Variants in ADGRG2 observed in about 807,000 individuals in gnomAD.
ADGRG2 encodes the protein G protein-coupled receptor 64.
A neutral mutation model predicts 74.1 loss-of-function variants in ADGRG2; 26 were observed. That is an observed-to-expected ratio of 0.35 (90% CI 0.26 to 0.49). The LOEUF (loss-of-function observed/expected upper bound fraction) is 0.49. Among genes scored for constraint, ADGRG2 ranks in the 20% least tolerant of loss-of-function variants. ADGRG2 has a pLI of 0.99. For missense variants in ADGRG2, 619 were observed against 763.1 expected (o/e 0.81, Z 2.22); for synonymous variants, 296 against 295.2 (o/e 1.00, Z -0.03).
chrX:19,063,722 A>C (rs1209258632), intron 3 of ADGRG2, among the ~76,000 whole-genome samples: 1 of 111,766 alleles, frequency 8.9e-6, no homozygotes, highest in Non-Finnish European at 1.9e-5. Context: ...AGTGTGACAC[A>C]AAGTGATATC....
intron 1 of ADGRG2, 140 bp from the exon 2 acceptor site, chrX:19,082,886 C>A (rs1278964273): frequency 8.9e-6 from 1 of 112,691 alleles, no homozygotes; most frequent in Non-Finnish European, 1.9e-5. Context: ...ACAGCTTGAA[C>A]TTGGCAGTGG....
At chrX:19,023,100 T>G (rs1304168271) in intron 13 of ADGRG2, among the ~76,000 whole-genome samples, 1 of 111,340 alleles carries the variant, frequency 9.0e-6, no homozygotes, top group East Asian at 2.8e-4. Context: ...TCACCCTGCC[T>G]GGACCACTGG....
intron 3 of ADGRG2, among the ~76,000 whole-genome samples, chrX:19,063,187 C>A (rs2061514019): frequency 9.0e-6 from 1 of 111,351 alleles, no homozygotes; most frequent in Non-Finnish European, 1.9e-5. Context: ...TGTCATCCCA[C>A]CTCTCCCTGC....
chrX:19,093,939 C>CA (rs1569141001), intron 1 of ADGRG2, among the ~76,000 whole-genome samples: 1 of 103,564 alleles, frequency 9.7e-6, no homozygotes, highest in African/African-American at 3.8e-5. Flanking sequence ...ACACACACAC[C>CA]CCATGGAATA....
At chrX:18,995,174 C>T (rs2059994988) in intron 27 of ADGRG2, 126 bp from the exon 28 acceptor site, 1 of 444,833 alleles carries the variant, frequency 2.2e-6, no homozygotes, top group Admixed American at 4.0e-5. Flanking sequence ...GGAGAAGTCA[C>T]CTTCCACCAG....
intron 1 of ADGRG2, among the ~76,000 whole-genome samples, chrX:19,091,950 AT>A (rs749941817): frequency 1.8e-5 from 2 of 112,568 alleles, no homozygotes; most frequent in East Asian, 5.6e-4. Flanking sequence ...GGGAGGAAGA[AT>A]TGACGCGACT....
rs1419572701 is a variant in ADGRG2, at chrX:18,990,664, A to G, written c.*200T>C. ...TTATAAAATGAAAGATAAGAAACCAAATCAGAAATGTCTAAAAACCATGGT... is the reference window on the plus strand; with the variant it reads ...TTATAAAATGAAAGATAAGAAACCAGATCAGAAATGTCTAAAAACCATGGT... On this transcript the variant is annotated 3_prime_UTR_variant, in exon 29 of 29. Coordinates refer to ENST00000379869, the MANE Select transcript of ADGRG2 (RefSeq NM_001079858.3). 1 of 306,608 alleles carries G rather than the reference A, an allele frequency of 3.3e-6. No homozygotes were observed. 25.3% of individuals were successfully genotyped at this position (306,608 alleles called of 1,213,427 possible). A position where few individuals can be genotyped will look rare whatever the true frequency, so the allele number is the denominator to read the frequency against.
At chrX:19,032,175 G>A (rs2060838863) in intron 8 of ADGRG2, 1 of 111,663 alleles carries the variant, frequency 9.0e-6, no homozygotes, top group African/African-American at 3.3e-5. Context: ...TTGATGTACA[G>A]GCATCATGCT....
chrX:19,121,966 G>C (rs1236419942), intron 1 of ADGRG2, among the ~76,000 whole-genome samples: 1 of 111,722 alleles, frequency 9.0e-6, no homozygotes, highest in Non-Finnish European at 1.9e-5. Context: ...TCGGGGCCGC[G>C]CCGAGTGGTG....
At chrX:19,073,055 T>G (rs1408398665) in intron 2 of ADGRG2, among the ~76,000 whole-genome samples, 1 of 112,289 alleles carries the variant, frequency 8.9e-6, no homozygotes, top group Non-Finnish European at 1.9e-5. Flanking sequence ...GGAGGATCCT[T>G]CATGAATAGC....
intron 3 of ADGRG2, among the ~76,000 whole-genome samples, chrX:19,051,864 C>T (rs1317561272): frequency 8.9e-6 from 1 of 111,889 alleles, no homozygotes; most frequent in Non-Finnish European, 1.9e-5. Context: ...CAGTTGATTC[C>T]ATGTGAACTA....
At chrX:19,074,822 C>T (rs918421067) in intron 2 of ADGRG2, among the ~76,000 whole-genome samples, 1 of 109,451 alleles carries the variant, frequency 9.1e-6, no homozygotes, top group African/African-American at 3.3e-5. Context: ...CCACCCGGCT[C>T]GGCCTCCCAA....
chrX:19,017,048 G>A (rs1290331317), intron 15 of ADGRG2, among the ~76,000 whole-genome samples: 2 of 111,230 alleles, frequency 1.8e-5, no homozygotes, highest in African/African-American at 3.3e-5. Context: ...TTTTTAAAAC[G>A]CTCCAGAGGA....
chrX:19,064,179 A>G (rs1443263580), intron 3 of ADGRG2, among the ~76,000 whole-genome samples: 1 of 111,986 alleles, frequency 8.9e-6, no homozygotes, highest in Non-Finnish European at 1.9e-5. Flanking sequence ...AAGCATCCAC[A>G]GGAACTGTCT....
chrX:19,049,674 G>A (rs746807802), intron 3 of ADGRG2, among the ~76,000 whole-genome samples: 150 of 108,253 alleles, frequency 1.4e-3, no homozygotes, highest in African/African-American at 4.6e-3. Flanking sequence ...TGTATTTTAC[G>A]TGTGGCCCAA....
chrX:19,065,225 G>A lies in ADGRG2; in HGVS notation c.118+3492C>T, dbSNP rs150593006. On this transcript the variant is annotated intron_variant, in intron 3 of 28. Coordinates refer to ENST00000379869, the MANE Select transcript of ADGRG2 (RefSeq NM_001079858.3). ...GTTGAGACTGCAGTGAGCTGAGATCGCGCACTCAAGTCTGGGCGACAACAA... is the reference window on the plus strand; with the variant it reads ...GTTGAGACTGCAGTGAGCTGAGATCACGCACTCAAGTCTGGGCGACAACAA... Among the ~76,000 whole-genome samples the A allele has an allele frequency of 4.6e-3, 409 of 89,092 alleles. 9 individuals carry two copies. Among genetic ancestry groups the A allele is most frequent in the East Asian group, 0.039 (112 of 2,884 alleles). The allele number at this position is 89,092 out of a possible 115,157, so 77.4% of individuals were successfully genotyped here. A position where few individuals can be genotyped will look rare whatever the true frequency, so the allele number is the denominator to read the frequency against.
At chrX:19,118,989 C>T (rs2062570605) in intron 1 of ADGRG2, among the ~76,000 whole-genome samples, 1 of 111,750 alleles carries the variant, frequency 8.9e-6, no homozygotes, top group South Asian at 3.7e-4. Flanking sequence ...CTGAAAAGAA[C>T]AAAATTATAG....
intron 3 of ADGRG2, among the ~76,000 whole-genome samples, chrX:19,063,719 C>T (rs747458153): frequency 8.9e-6 from 1 of 111,741 alleles, no homozygotes; most frequent in Non-Finnish European, 1.9e-5. Context: ...ATGAGTGTGA[C>T]ACAAAGTGAT....
At chrX:19,110,639 T>C (rs765093725) in intron 1 of ADGRG2, among the ~76,000 whole-genome samples, 3 of 107,013 alleles carry the variant, frequency 2.8e-5, no homozygotes, top group South Asian at 8.6e-4. Flanking sequence ...TGAGCCAAGA[T>C]TGCGCCACTG....
Sources: allele counts gnomAD v4.1 joint callset (sites outside exome capture counted in the v4.1 genomes callset), GRCh38; gene constraint gnomAD v4.1.1; transcripts MANE v1.5; gene names NCBI Gene and HGNC (gene_info 2026-07-23, HGNC 2026-07-21).